The following LPCAT2 variants were observed in gnomAD, a reference collection of about 807,000 sequenced individuals.
LPCAT2 encodes the protein 1-AGP acyltransferase 11.
LPCAT2 carries 58 observed loss-of-function variants against 64.7 expected under a neutral mutation model. That is an observed-to-expected ratio of 0.90 (90% CI 0.73 to 1.12). The LOEUF (loss-of-function observed/expected upper bound fraction) is 1.12, where lower values mean the gene tolerates loss of function less well. Ranked by LOEUF, LPCAT2 falls within the 50% of genes most tolerant of loss-of-function variation. LPCAT2 has a pLI of 0.00. For synonymous variants in LPCAT2, 252 were observed against 245.3 expected (o/e 1.03, Z -0.26); for missense variants, 579 against 669.8 (o/e 0.86, Z 1.50).
At chr16:55,574,873 A>C (rs1238710319) in intron 12 of LPCAT2, 144 bp downstream of exon 12, 2 of 575,710 alleles carry the variant, frequency 3.5e-6, no homozygotes, top group Non-Finnish European at 6.1e-6. Context: ...TGATTAAGTC[A>C]GTTGCTACTA....
intron 9 of LPCAT2, among the ~76,000 whole-genome samples, chr16:55,546,177 C>T (rs1004500113): frequency 3.3e-5 from 5 of 151,720 alleles, no homozygotes; most frequent in African/African-American, 9.7e-5. Context: ...TCTATCCCTT[C>T]GACTATAGCA....
intron 10 of LPCAT2, 107 bp from the exon 11 acceptor site, chr16:55,550,835 TTTAACAC>T: frequency 1.2e-6 from 1 of 844,120 alleles, no homozygotes; most frequent in Non-Finnish European, 1.7e-6. Flanking sequence ...CCTTTACAAA[TTTAACAC>T]TTAAAATATT....
At chr16:55,527,789 C>T (rs1339685539) in intron 2 of LPCAT2, among the ~76,000 whole-genome samples, 1 of 152,162 alleles carries the variant, frequency 6.6e-6, no homozygotes, top group Non-Finnish European at 1.5e-5. Flanking sequence ...GTTGAACTCA[C>T]TTCTGATGAT....
At chr16:55,580,411 C>G (rs1251786471) in intron 13 of LPCAT2, among the ~76,000 whole-genome samples, 1 of 152,132 alleles carries the variant, frequency 6.6e-6, no homozygotes, top group Non-Finnish European at 1.5e-5. Flanking sequence ...ATAACTACTT[C>G]AATGGAAGCT....
chr16:55,532,656 A>T (rs1029122220), intron 5 of LPCAT2, 168 bp from the exon 6 acceptor site: 11 of 406,286 alleles, frequency 2.7e-5, no homozygotes, highest in African/African-American at 2.1e-4. Context: ...AAAAAAAAAA[A>T]ATCCCTCATT....
At chr16:55,518,720 G>C (rs1164494786) in intron 1 of LPCAT2, among the ~76,000 whole-genome samples, 2 of 152,226 alleles carry the variant, frequency 1.3e-5, no homozygotes, top group African/African-American at 4.8e-5. Context: ...CAATTGGATT[G>C]ACATGTGCAG....
At chr16:55,565,756 A>C (rs188693207) in intron 11 of LPCAT2, among the ~76,000 whole-genome samples, 2 of 152,214 alleles carry the variant, frequency 1.3e-5, no homozygotes, top group African/African-American at 4.8e-5. Flanking sequence ...CCAGATGAAA[A>C]AAGTTCTGAA....
chr16:55,533,486 C>T (rs192251178), intron 6 of LPCAT2, among the ~76,000 whole-genome samples: 40 of 136,076 alleles, frequency 2.9e-4, no homozygotes, highest in African/African-American at 1.1e-3. Flanking sequence ...TCTTGGCTCA[C>T]TACAACCTCC....
At chr16:55,510,578 G>A (rs1275203747) in intron 1 of LPCAT2, among the ~76,000 whole-genome samples, 10 of 152,194 alleles carry the variant, frequency 6.6e-5, no homozygotes, top group African/African-American at 9.6e-5. Context: ...AGTGGGGGAA[G>A]GTTAAGTGCA....
At chr16:55,560,988 C>A (rs1296435804) in intron 11 of LPCAT2, among the ~76,000 whole-genome samples, 2 of 151,978 alleles carry the variant, frequency 1.3e-5, no homozygotes, top group African/African-American at 4.8e-5. Flanking sequence ...ACCTACTTAT[C>A]CCCTAGCCCT....
intron 10 of LPCAT2, among the ~76,000 whole-genome samples, chr16:55,550,679 G>A (rs562132469): frequency 7.5e-4 from 114 of 152,246 alleles, no homozygotes; most frequent in African/African-American, 2.6e-3. Context: ...ACCTTGGGAG[G>A]CCGAGGCAGG....
At chr16:55,536,802 A>C (rs1963329725) in intron 7 of LPCAT2, among the ~76,000 whole-genome samples, 1 of 152,200 alleles carries the variant, frequency 6.6e-6, no homozygotes. Flanking sequence ...CTAAATATGT[A>C]CTGGAAAGCT....
chr16:55,555,318 G>A (rs1338804049), intron 11 of LPCAT2, among the ~76,000 whole-genome samples: 1 of 152,170 alleles, frequency 6.6e-6, no homozygotes, highest in Non-Finnish European at 1.5e-5. Flanking sequence ...GGCCTCCATG[G>A]TTTTGCAGCC....
chr16:55,549,542 T>C, intron 10 of LPCAT2, 140 bp downstream of exon 10: 1 of 758,754 alleles, frequency 1.3e-6, no homozygotes, highest in Non-Finnish European at 2.0e-6. Context: ...GTTGAGAATT[T>C]ATCTCACATT....
At chr16:55,541,457 A>C (rs1963395449) in intron 8 of LPCAT2, 1 of 154,048 alleles carries the variant, frequency 6.5e-6, no homozygotes, top group Admixed American at 6.5e-5. Context: ...ATCCAAATGC[A>C]CTACAATTAT....
intron 7 of LPCAT2, among the ~76,000 whole-genome samples, chr16:55,535,797 T>G (rs1224398854): frequency 1.3e-5 from 2 of 152,174 alleles, no homozygotes; most frequent in Admixed American, 6.6e-5. Flanking sequence ...GAGATAGTGA[T>G]GTGGCCAATA....
At chr16:55,554,256 T>A (rs1457968448) in intron 11 of LPCAT2, among the ~76,000 whole-genome samples, 2 of 152,232 alleles carry the variant, frequency 1.3e-5, no homozygotes, top group African/African-American at 4.8e-5. Context: ...TCTCTAGGTA[T>A]GAAAGTCGTA....
chr16:55,509,939 TGA>T (rs1335395490), intron 1 of LPCAT2, among the ~76,000 whole-genome samples: 1 of 150,442 alleles, frequency 6.6e-6, no homozygotes, highest in African/African-American at 2.4e-5. Context: ...CTTGAGTTTA[TGA>T]GAGTGTAGTG....
chr16:55,529,149 G>C (rs1963217054), intron 3 of LPCAT2, among the ~76,000 whole-genome samples: 1 of 152,058 alleles, frequency 6.6e-6, no homozygotes, highest in Non-Finnish European at 1.5e-5. Context: ...CAGATGCTTT[G>C]GTCTCCCTCA....
Sources: allele counts gnomAD v4.1 joint callset (sites outside exome capture counted in the v4.1 genomes callset), GRCh38; gene constraint gnomAD v4.1.1; transcripts MANE v1.5; gene names NCBI Gene and HGNC (gene_info 2026-07-23, HGNC 2026-07-21).